CLASP1: variants seen among roughly 807,000 people sequenced by gnomAD.
CLASP1 encodes the protein CLIP-associating protein 1.
CLASP1 carries 38 observed loss-of-function variants against 192.3 expected under a neutral mutation model. That is an observed-to-expected ratio of 0.20 (90% CI 0.15 to 0.26). The LOEUF is 0.26. Ranked by LOEUF, CLASP1 falls within the 10% of genes least tolerant of loss-of-function variation. The pLI is 1.00. For synonymous variants in CLASP1, 691 were observed against 712.8 expected, an observed-to-expected ratio of 0.97 and a Z score of 0.49; for missense variants, 1,433 against 1,932.5, an observed-to-expected ratio of 0.74 and a Z score of 4.85.
chr2:121,450,903 A>G lies in CLASP1; in HGVS notation c.1523+10T>C. 6.3e-7 allele frequency: 1 copy of G among 1,589,016 alleles called. No homozygotes were observed. Among genetic ancestry groups the G allele is most frequent in the Non-Finnish European group, 8.6e-7 (1 of 1,158,430 alleles). ...GTTAATTTAAAAAGTGGTGTACAAT[A>G]AAAACTTACTTTCTGGCTTCTATTC... On this transcript the variant is annotated intron_variant, in intron 16 of 39. Coordinates refer to ENST00000263710, the Ensembl canonical transcript of CLASP1.
intron 1 of CLASP1, among the ~76,000 whole-genome samples, chr2:121,627,811 T>G (rs2068668119): frequency 6.6e-6 from 1 of 152,256 alleles, no homozygotes; most frequent in African/African-American, 2.4e-5. Flanking sequence ...AATTTAGATC[T>G]TATTATGTTA....
chr2:121,597,558 A>C (rs534317608), intron 2 of CLASP1, among the ~76,000 whole-genome samples: 1 of 152,334 alleles, frequency 6.6e-6, no homozygotes, highest in South Asian at 2.1e-4. Context: ...TTTGTAGTGA[A>C]ACATAGCCTA....
chr2:121,430,321 G>C, intron 19 of CLASP1, 144 bp from the exon 20 acceptor site: 1 of 626,462 alleles, frequency 1.6e-6, no homozygotes, highest in Admixed American at 2.8e-5. Flanking sequence ...TCCTCCACAC[G>C]AGGTCTGCCA....
chr2:121,457,579 G>A (rs1288445882), intron 14 of CLASP1, 108 bp downstream of exon 14: 2 of 784,968 alleles, frequency 2.5e-6, no homozygotes, highest in African/African-American at 1.7e-5. Context: ...GTGATTTTAA[G>A]TAATACTAAG....
At chr2:121,522,474 A>G (rs987930676) in intron 6 of CLASP1, among the ~76,000 whole-genome samples, 1 of 152,214 alleles carries the variant, frequency 6.6e-6, no homozygotes, top group African/African-American at 2.4e-5. Context: ...GGAAGTGCTA[A>G]CTTGAATTTT....
chr2:121,438,038 G>C (rs2082597575), intron 19 of CLASP1, among the ~76,000 whole-genome samples: 1 of 152,176 alleles, frequency 6.6e-6, no homozygotes, highest in Non-Finnish European at 1.5e-5. Context: ...AAGTCCTTAA[G>C]GGTACATTCT....
At chr2:121,478,603 AACACACACACACACCAC>A (rs1486579862) in intron 8 of CLASP1, among the ~76,000 whole-genome samples, 279 of 142,004 alleles carry the variant, frequency 2.0e-3, no homozygotes, top group Non-Finnish European at 3.7e-3. Flanking sequence ...TCCGTCTCAA[AACACACACACACACCAC>A]ACACACACAT....
intron 2 of CLASP1, among the ~76,000 whole-genome samples, chr2:121,547,042 G>A (rs1333606780): frequency 2.0e-5 from 3 of 152,096 alleles, no homozygotes. Context: ...ATACCTCCAG[G>A]TACTGGAAAA....
At chr2:121,566,674 T>C (rs185785249) in intron 2 of CLASP1, among the ~76,000 whole-genome samples, 1 of 152,226 alleles carries the variant, frequency 6.6e-6, no homozygotes, top group African/African-American at 2.4e-5. Flanking sequence ...ATGCCACTAG[T>C]AATTTTGATA....
At position 121,452,180 on chromosome 2, in the gene CLASP1, G is replaced by C. The variant is rs146399898; in HGVS notation, c.1386-331C>G. On this transcript the variant is annotated intron_variant, in intron 14 of 39. Transcript: ENST00000263710. Reference sequence around the variant, plus strand: ...TACTATCCTAAGTAATATGTTAATAGAGAATGTACACATGCACAGAAGATC... The same window carrying C: ...TACTATCCTAAGTAATATGTTAATACAGAATGTACACATGCACAGAAGATC... Among the ~76,000 whole-genome samples, 212 of 152,312 alleles carry C rather than the reference G, an allele frequency of 1.4e-3. 1 individual carries two copies. Among genetic ancestry groups the C allele is most frequent in the African/African-American group, 4.5e-3 (189 of 41,566 alleles).
chr2:121,570,525 G>T (rs1028895167), intron 2 of CLASP1, among the ~76,000 whole-genome samples: 19 of 152,204 alleles, frequency 1.2e-4, no homozygotes, highest in African/African-American at 4.6e-4. Context: ...AACTCTTAAT[G>T]ATCCATGAGG....
At chr2:121,443,476 C>T (rs567839792) in intron 19 of CLASP1, among the ~76,000 whole-genome samples, 1 of 152,188 alleles carries the variant, frequency 6.6e-6, no homozygotes, top group African/African-American at 2.4e-5. Context: ...AGAAAACACT[C>T]GGGATTGTTT....
Position 121,530,094 on chromosome 2 carries a change from G to A in CLASP1, c.274+153C>T, listed in dbSNP as rs565579348. ...GTGCTTAGGGGGGCTGCGGGGGAGG[G>A]CGGGGACTGGCTGTTTGGGAGGAGC... On this transcript the variant is annotated intron_variant, in intron 3 of 39. Transcript: ENST00000263710. Among the ~76,000 whole-genome samples, 278 of 151,802 alleles carry A rather than the reference G, an allele frequency of 1.8e-3. 2 individuals carry two copies. The highest frequency in any genetic ancestry group is 5.8e-3 in the African/African-American group (239 of 41,358).
intron 2 of CLASP1, among the ~76,000 whole-genome samples, chr2:121,553,655 C>A (rs963233268): frequency 1.3e-5 from 2 of 152,012 alleles, no homozygotes; most frequent in Non-Finnish European, 2.9e-5. Context: ...GAGCCAAGAT[C>A]GCGTCACTAC....
At chr2:121,360,923 C>T (rs748014732) in intron 37 of CLASP1, among the ~76,000 whole-genome samples, 10 of 151,992 alleles carry the variant, frequency 6.6e-5, no homozygotes, top group Non-Finnish European at 1.5e-4. Flanking sequence ...TTTAAAGGGC[C>T]TCATACCTGA....
At chr2:121,494,999 G>A (rs1325702365) in intron 8 of CLASP1, among the ~76,000 whole-genome samples, 2 of 151,590 alleles carry the variant, frequency 1.3e-5, no homozygotes, top group Non-Finnish European at 1.5e-5. Flanking sequence ...TCCAGCCTGG[G>A]TGACAGAGCA....
At chr2:121,411,388 T>C (rs1303649974) in intron 23 of CLASP1, among the ~76,000 whole-genome samples, 1 of 152,228 alleles carries the variant, frequency 6.6e-6, no homozygotes, top group Non-Finnish European at 1.5e-5. Context: ...AAGCTTAAAA[T>C]TTGAAACAAA....
At chr2:121,430,733 T>C (rs1274053012) in intron 19 of CLASP1, among the ~76,000 whole-genome samples, 2 of 152,170 alleles carry the variant, frequency 1.3e-5, no homozygotes, top group African/African-American at 4.8e-5. Flanking sequence ...ACTTCTATTT[T>C]TAAAGCATGT....
At chr2:121,365,595 T>C (rs2067250920) in intron 35 of CLASP1, among the ~76,000 whole-genome samples, 1 of 152,234 alleles carries the variant, frequency 6.6e-6, no homozygotes, top group Admixed American at 6.5e-5. Context: ...GAAATGCCTG[T>C]ATCCGCCAAA....
Sources: gnomAD v4.1 joint callset for allele counts (sites outside exome capture counted in the v4.1 genomes callset) on GRCh38, gnomAD v4.1.1 for gene constraint, MANE v1.5 for transcripts, NCBI Gene and HGNC (gene_info 2026-07-23, HGNC 2026-07-21) for gene names.